The following ZBTB8A variants were observed in gnomAD, a reference collection of about 807,000 sequenced individuals.
ZBTB8A encodes zinc finger and BTB domain-containing protein 8A.
In ZBTB8A, 19 loss-of-function variants were observed where a neutral mutation model predicts 37.8. The ratio of observed to expected loss-of-function variants is 0.50; its 90% CI spans 0.35 to 0.74. ZBTB8A has a LOEUF of 0.74. Ranked by LOEUF, ZBTB8A falls within the 30% of genes least tolerant of loss-of-function variation. The pLI, the probability that ZBTB8A is intolerant of heterozygous loss-of-function variation, is 0.01. For synonymous variants in ZBTB8A, 181 were observed against 185.2 expected, an observed-to-expected ratio of 0.98 and a Z score of 0.19; for missense variants, 394 against 537.8, an observed-to-expected ratio of 0.73 and a Z score of 2.65.
At chr1:32,562,933 G>A (rs549899277) in intron 2 of ZBTB8A, among the ~76,000 whole-genome samples, 1 of 151,914 alleles carries the variant, frequency 6.6e-6, no homozygotes, top group Admixed American at 6.6e-5. Context: ...CTGTTATTTT[G>A]GTATTATAAA....
At chr1:32,581,144 A>T (rs1055153715) in intron 2 of ZBTB8A, among the ~76,000 whole-genome samples, 4 of 105,854 alleles carry the variant, frequency 3.8e-5, no homozygotes, top group Non-Finnish European at 7.3e-5. Flanking sequence ...ATATATATTT[A>T]TATATATTAA....
rs550288785 is a variant in ZBTB8A, at chr1:32,590,339, GC to G, written c.-1-2590del. Among the ~76,000 whole-genome samples, 33 of 152,066 alleles carry G rather than the reference GC, an allele frequency of 2.2e-4. 2 individuals are homozygous for G. In the East Asian group the frequency reaches 4.2e-3, roughly 20 times the overall value. ...ACTGGGCTTCAGTATCTCACCTAAG[GC>G]CTTTTTTTTCCCTACCCAGGGCCCT... On this transcript the variant is annotated intron_variant, in intron 2 of 4. Transcript: ENST00000373510.
chr1:32,542,094 T>G (rs749769473), intron 1 of ZBTB8A, among the ~76,000 whole-genome samples: 6 of 152,182 alleles, frequency 3.9e-5, no homozygotes, highest in Non-Finnish European at 7.3e-5. Flanking sequence ...TTCTAAATCT[T>G]CCAAAGCTGA....
At chr1:32,557,986 T>C (rs1644215729) in intron 2 of ZBTB8A, among the ~76,000 whole-genome samples, 1 of 152,226 alleles carries the variant, frequency 6.6e-6, no homozygotes, top group Non-Finnish European at 1.5e-5. Context: ...AACAAATATC[T>C]GTCCCTTTGA....
intron 2 of ZBTB8A, 91 bp from the exon 3 acceptor site, chr1:32,592,840 G>A: frequency 9.1e-7 from 1 of 1,096,772 alleles, no homozygotes; most frequent in African/African-American, 1.6e-5. Context: ...CTGCACTGCA[G>A]CCTGGGCCAC....
At chr1:32,597,292 C>G (rs1165117961) in intron 4 of ZBTB8A, among the ~76,000 whole-genome samples, 1 of 152,020 alleles carries the variant, frequency 6.6e-6, no homozygotes, top group South Asian at 2.1e-4. Flanking sequence ...ACCACGTCTG[C>G]TGGTCTTATA....
intron 2 of ZBTB8A, among the ~76,000 whole-genome samples, 183 bp downstream of exon 2, chr1:32,553,723 C>A (rs921698741): frequency 1.1e-4 from 16 of 149,806 alleles, no homozygotes; most frequent in South Asian, 2.1e-4. Context: ...CCTGTCTCTA[C>A]TGAAAATACA....
intron 1 of ZBTB8A, among the ~76,000 whole-genome samples, chr1:32,552,934 C>A (rs1644168850): frequency 1.4e-5 from 2 of 147,710 alleles, no homozygotes; most frequent in South Asian, 4.2e-4. Flanking sequence ...CATATTTGTT[C>A]TATATTATAT....
intron 1 of ZBTB8A, among the ~76,000 whole-genome samples, chr1:32,548,568 A>C (rs1006142789): frequency 1.3e-5 from 2 of 152,224 alleles, no homozygotes; most frequent in East Asian, 3.9e-4. Flanking sequence ...TCCTGACCTC[A>C]GGTGATAAAC....
At chr1:32,585,031 T>C (rs923493345) in intron 2 of ZBTB8A, among the ~76,000 whole-genome samples, 46 of 141,498 alleles carry the variant, frequency 3.3e-4, no homozygotes, top group South Asian at 1.3e-3. Context: ...AGATTTCTTT[T>C]TTTTTTTTTT....
intron 1 of ZBTB8A, among the ~76,000 whole-genome samples, chr1:32,543,006 T>C (rs1260234358): frequency 6.6e-6 from 1 of 152,228 alleles, no homozygotes; most frequent in African/African-American, 2.4e-5. Context: ...TATGAATGCA[T>C]GTTATGTTAA....
intron 2 of ZBTB8A, among the ~76,000 whole-genome samples, chr1:32,555,368 G>A (rs192194715): frequency 1.1e-3 from 174 of 152,104 alleles, no homozygotes; most frequent in South Asian, 7.5e-3. Context: ...CAGCCTGGGC[G>A]ACAGAGCGAC....
intron 1 of ZBTB8A, among the ~76,000 whole-genome samples, chr1:32,544,201 T>A (rs923976225): frequency 2.0e-5 from 3 of 152,256 alleles, no homozygotes; most frequent in Non-Finnish European, 4.4e-5. Context: ...ATGATGGGGA[T>A]ATGTTCTGAG....
chr1:32,587,652 T>A (rs2148246280), intron 2 of ZBTB8A, among the ~76,000 whole-genome samples: 1 of 152,138 alleles, frequency 6.6e-6, no homozygotes, highest in Admixed American at 6.5e-5. Context: ...AAAAAGATGC[T>A]ATGATATTAT....
chr1:32,588,938 C>G (rs1354113017), intron 2 of ZBTB8A, among the ~76,000 whole-genome samples: 1 of 151,700 alleles, frequency 6.6e-6, no homozygotes, highest in Admixed American at 6.6e-5. Flanking sequence ...AAGCCAAGAT[C>G]GCACCACTGC....
At chr1:32,551,708 T>TA (rs968682652) in intron 1 of ZBTB8A, among the ~76,000 whole-genome samples, 18 of 151,450 alleles carry the variant, frequency 1.2e-4, no homozygotes, top group Admixed American at 7.9e-4. Flanking sequence ...AAACTCCATC[T>TA]AAAAAAAAAT....
rs916159229 is a variant in ZBTB8A at position 32,561,785 on chromosome 1, G to T, written c.-2+8245G>T. Among the ~76,000 whole-genome samples the T allele has an allele frequency of 3.9e-5, 6 of 151,930 alleles. No individual in the cohort carries two copies. In the East Asian group the frequency reaches 1.2e-3, roughly 29 times the overall value. ...ATCCAGGATGACCTCATCTTAACTT[G>T]ATTATATCTGCAAAGACCCTATTTG... On this transcript the variant is annotated intron_variant, in intron 2 of 4. Transcript: ENST00000373510.
chr1:32,549,357 G>A (rs1339428885), intron 1 of ZBTB8A, among the ~76,000 whole-genome samples: 1 of 152,032 alleles, frequency 6.6e-6, no homozygotes, highest in Admixed American at 6.6e-5. Context: ...AGCCACGCAT[G>A]GTGGGATGTT....
intron 1 of ZBTB8A, among the ~76,000 whole-genome samples, chr1:32,549,662 C>T (rs180744342): frequency 8.8e-4 from 134 of 152,248 alleles, no homozygotes; most frequent in African/African-American, 3.0e-3. Context: ...CCTAGGAGTT[C>T]GAGTTTACGG....
Sources: allele counts gnomAD v4.1 joint callset (sites outside exome capture counted in the v4.1 genomes callset), GRCh38; gene constraint gnomAD v4.1.1; transcripts MANE v1.5; gene names NCBI Gene and HGNC (gene_info 2026-07-23, HGNC 2026-07-21).